The following EDA variants were observed in gnomAD, a reference collection of about 807,000 sequenced individuals.
EDA encodes ectodysplasin-A.
A neutral mutation model predicts 23.6 loss-of-function variants in EDA; 2 were observed. The observed-to-expected ratio is 0.08, with a 90% CI of 0.03 to 0.27. The LOEUF (loss-of-function observed/expected upper bound fraction) is 0.27. Ranked by LOEUF, EDA falls within the 10% of genes least tolerant of loss-of-function variation. The pLI, the probability that EDA is intolerant of heterozygous loss-of-function variation, is 1.00. For synonymous variants in EDA, 131 were observed against 132.0 expected, an observed-to-expected ratio of 0.99 and a Z score of 0.05; for missense variants, 229 against 324.2, an observed-to-expected ratio of 0.71 and a Z score of 2.26.
At chrX:69,665,971 G>A (rs1469229750) in intron 1 of EDA, among the ~76,000 whole-genome samples, 1 of 111,104 alleles carries the variant, frequency 9.0e-6, no homozygotes, top group Non-Finnish European at 1.9e-5. Flanking sequence ...CCATTTATTG[G>A]TATCTTTTTC....
intron 1 of EDA, among the ~76,000 whole-genome samples, chrX:69,844,341 A>G (rs1487483897): frequency 8.9e-6 from 1 of 112,655 alleles, no homozygotes; most frequent in East Asian, 2.8e-4. Context: ...TAGACTTTTA[A>G]TTAGCCCATT....
intron 1 of EDA, among the ~76,000 whole-genome samples, chrX:69,831,145 A>G (rs1008026642): frequency 6.3e-5 from 7 of 111,244 alleles, no homozygotes; most frequent in Admixed American, 1.9e-4. Flanking sequence ...TACTTGTGCC[A>G]TCTTGGTTTG....
chrX:69,770,691 T>G (rs1044894837), intron 1 of EDA, among the ~76,000 whole-genome samples: 1 of 111,467 alleles, frequency 9.0e-6, no homozygotes, highest in Non-Finnish European at 1.9e-5. Flanking sequence ...TTCATCCCCT[T>G]AAGAGGGTCT....
At chrX:69,710,071 C>T (rs868411825) in intron 1 of EDA, among the ~76,000 whole-genome samples, 2 of 111,522 alleles carry the variant, frequency 1.8e-5, no homozygotes, top group African/African-American at 6.5e-5. Context: ...AGTCCTTGCC[C>T]ATGCCTATGT....
intron 1 of EDA, among the ~76,000 whole-genome samples, chrX:69,822,555 A>G (rs2016256236): frequency 9.0e-6 from 1 of 111,632 alleles, no homozygotes; most frequent in African/African-American, 3.3e-5. Context: ...CCACTTTCAG[A>G]TCAATGTAAG....
chrX:69,715,583 G>A (rs1397139524), intron 1 of EDA, among the ~76,000 whole-genome samples: 1 of 111,774 alleles, frequency 8.9e-6, no homozygotes, highest in Non-Finnish European at 1.9e-5. Flanking sequence ...ATGGTAGAAT[G>A]ATTTATATTC....
At chrX:69,925,162 C>A (rs938860462) in intron 1 of EDA, among the ~76,000 whole-genome samples, 1 of 111,442 alleles carries the variant, frequency 9.0e-6, no homozygotes, top group Non-Finnish European at 1.9e-5. Context: ...TGCCTGATTG[C>A]CCTGGCCACA....
At chrX:69,742,835 G>T (rs137954580) in intron 1 of EDA, among the ~76,000 whole-genome samples, 1,728 of 110,712 alleles carry the variant, frequency 0.016, 30 homozygotes, top group African/African-American at 0.055. Context: ...GTTTTCTTGG[G>T]GGTCACAGTC....
chrX:69,908,886 T>C (rs1040174104), intron 1 of EDA, among the ~76,000 whole-genome samples: 6 of 109,564 alleles, frequency 5.5e-5, no homozygotes, highest in East Asian at 2.9e-4. Context: ...TCCTTCCCTA[T>C]CAATAGAGGA....
At chrX:69,705,636 A>T (rs1030345457) in intron 1 of EDA, among the ~76,000 whole-genome samples, 3 of 111,882 alleles carry the variant, frequency 2.7e-5, no homozygotes, top group African/African-American at 9.7e-5. Context: ...AATTTCTCCA[A>T]ACTGAGGTAA....
intron 1 of EDA, among the ~76,000 whole-genome samples, chrX:69,659,974 A>G (rs1933433635): frequency 8.9e-6 from 1 of 111,860 alleles, no homozygotes; most frequent in Non-Finnish European, 1.9e-5. Context: ...TGGATGTGTC[A>G]GTACCTATTT....
chrX:69,959,029 G>A (rs1380815094), intron 2 of EDA, among the ~76,000 whole-genome samples: 1 of 111,672 alleles, frequency 9.0e-6, no homozygotes, highest in African/African-American at 3.3e-5. Flanking sequence ...TTCTCTTAAA[G>A]AAAATAATTT....
At chrX:69,686,457 A>G (rs1195686175) in intron 1 of EDA, among the ~76,000 whole-genome samples, 1 of 112,084 alleles carries the variant, frequency 8.9e-6, no homozygotes, top group Non-Finnish European at 1.9e-5. Context: ...TAGATACCAT[A>G]TACTTCACCC....
intron 1 of EDA, among the ~76,000 whole-genome samples, chrX:69,732,670 G>A (rs769964839): frequency 8.1e-5 from 9 of 111,702 alleles, no homozygotes; most frequent in African/African-American, 2.6e-4. Context: ...TTGAGGAATC[G>A]CCACACTGTC....
intron 1 of EDA, chrX:69,617,012 C>T (rs1285221703): frequency 7.1e-6 from 3 of 422,822 alleles, no homozygotes; most frequent in African/African-American, 2.5e-5. Flanking sequence ...CGCTGCCCCC[C>T]GGCCGACTAA....
At chrX:69,881,722 GT>G (rs1483663205) in intron 1 of EDA, among the ~76,000 whole-genome samples, 7 of 111,925 alleles carry the variant, frequency 6.3e-5, no homozygotes, top group Non-Finnish European at 3.8e-5. Context: ...AGTTTATTTG[GT>G]TCATGGTTCT....
At chrX:69,924,019 TG>T (rs1466057063) in intron 1 of EDA, among the ~76,000 whole-genome samples, 2 of 111,506 alleles carry the variant, frequency 1.8e-5, no homozygotes, top group South Asian at 3.8e-4. Context: ...TGATTGGGGT[TG>T]TTTTTTTCTT....
At chrX:69,652,397 T>C (rs1222587259) in intron 1 of EDA, among the ~76,000 whole-genome samples, 3 of 111,755 alleles carry the variant, frequency 2.7e-5, no homozygotes, top group Admixed American at 9.5e-5. Context: ...ATTTGAAAGA[T>C]AGAAATTATA....
At chrX:70,026,009 T>A (rs1466228758) in intron 3 of EDA, among the ~76,000 whole-genome samples, 1 of 112,342 alleles carries the variant, frequency 8.9e-6, no homozygotes, top group Admixed American at 9.4e-5. Context: ...TGAGGCATTG[T>A]TCTTAAGGGA....
Sources: allele counts gnomAD v4.1 joint callset (sites outside exome capture counted in the v4.1 genomes callset), GRCh38; gene constraint gnomAD v4.1.1; transcripts MANE v1.5; gene names NCBI Gene and HGNC (gene_info 2026-07-23, HGNC 2026-07-21).